Variants in LDLRAD4 observed in about 807,000 individuals in gnomAD.
LDLRAD4 encodes the protein low-density lipoprotein receptor class A domain-containing protein 4.
Under a neutral mutation model 17.0 loss-of-function variants are expected in LDLRAD4, and 5 were observed. That is an observed-to-expected ratio of 0.29 (90% CI 0.15 to 0.62). The LOEUF (loss-of-function observed/expected upper bound fraction) is 0.62. Among genes scored for constraint, LDLRAD4 ranks in the 20% least tolerant of loss-of-function variants. The pLI is 0.84. For synonymous variants in LDLRAD4, 168 were observed against 171.8 expected (o/e 0.98, Z 0.17); for missense variants, 340 against 424.7 (o/e 0.80, Z 1.75).
chr18:13,344,295 A>C (rs1161355173), intron 1 of LDLRAD4, among the ~76,000 whole-genome samples: 1 of 152,180 alleles, frequency 6.6e-6, no homozygotes, highest in Admixed American at 6.5e-5. Context: ...TCAGCTTTCT[A>C]CATATGGCTA....
chr18:13,244,201 A>G (rs2042842415), intron 1 of LDLRAD4, among the ~76,000 whole-genome samples: 2 of 130,254 alleles, frequency 1.5e-5, no homozygotes, highest in African/African-American at 5.9e-5. Flanking sequence ...CCATTCATCC[A>G]TCCATCCACC....
At chr18:13,281,375 C>T (rs141997558) in intron 1 of LDLRAD4, among the ~76,000 whole-genome samples, 43 of 152,244 alleles carry the variant, frequency 2.8e-4, no homozygotes, top group African/African-American at 9.6e-4. Flanking sequence ...GGCAGTACAG[C>T]GAGATCCTGT....
chr18:13,650,540 C>A, exon 6 of LDLRAD4: 2 of 396,464 alleles, frequency 5.0e-6, no homozygotes, highest in Non-Finnish European at 8.9e-6. Flanking sequence ...ATATAGGAAC[C>A]AAGCCGCCCC....
intron 1 of LDLRAD4, among the ~76,000 whole-genome samples, chr18:13,261,212 G>A (rs896072935): frequency 6.6e-6 from 1 of 152,258 alleles, no homozygotes. Flanking sequence ...GGGAATAGCA[G>A]AACTCTGCCC....
intron 3 of LDLRAD4, among the ~76,000 whole-genome samples, chr18:13,588,032 A>T (rs1339329285): frequency 1.3e-5 from 2 of 152,172 alleles, no homozygotes; most frequent in African/African-American, 4.8e-5. Context: ...TATGAGTCGC[A>T]CCATTTTCTT....
chr18:13,607,052 G>A (rs2095231770), intron 3 of LDLRAD4, among the ~76,000 whole-genome samples: 1 of 152,172 alleles, frequency 6.6e-6, no homozygotes, highest in African/African-American at 2.4e-5. Context: ...TCAGTCCACT[G>A]GCATCCTTTG....
In LDLRAD4 at chr18:13,293,010, G is replaced by A. The variant is rs78433993; in HGVS notation, c.-383+14822G>A. 8.6e-3 allele frequency among the ~76,000 whole-genome samples: 1,314 copies of A among 152,322 alleles called. 21 individuals carry two copies. The highest frequency in any genetic ancestry group is 0.03 in the African/African-American group (1,249 of 41,574). On this transcript the variant is annotated intron_variant, in intron 1 of 5. Transcript: ENST00000359446. The stretch of plus-strand genomic sequence containing the variant: ...CAGGCGAGCTTTGGTTCTGGGGCTC[G>A]AGCACCACGTCCCAGGAATGCTGTG...
intron 3 of LDLRAD4, among the ~76,000 whole-genome samples, chr18:13,608,961 T>A (rs1294582269): frequency 6.6e-6 from 1 of 152,236 alleles, no homozygotes; most frequent in African/African-American, 2.4e-5. Context: ...CCTGCCTTGC[T>A]CCATTTTCAA....
At chr18:13,493,300 C>A (rs746394083) in intron 3 of LDLRAD4, among the ~76,000 whole-genome samples, 2 of 152,138 alleles carry the variant, frequency 1.3e-5, no homozygotes, top group Non-Finnish European at 2.9e-5. Context: ...CCTTTTTAGT[C>A]GAGTGAGTCT....
At chr18:13,569,810 G>A (rs777649599) in intron 3 of LDLRAD4, among the ~76,000 whole-genome samples, 8 of 152,290 alleles carry the variant, frequency 5.3e-5, no homozygotes, top group South Asian at 4.1e-4. Context: ...GCTTGAACCC[G>A]GAAGGCAGAG....
At chr18:13,270,736 G>A (rs965758856) in intron 1 of LDLRAD4, among the ~76,000 whole-genome samples, 1 of 152,212 alleles carries the variant, frequency 6.6e-6, no homozygotes, top group Non-Finnish European at 1.5e-5. Context: ...TCCACTGGGA[G>A]GCTAGAACTC....
At chr18:13,227,346 G>A (rs897631364) in intron 1 of LDLRAD4, among the ~76,000 whole-genome samples, 16 of 152,180 alleles carry the variant, frequency 1.1e-4, no homozygotes, top group African/African-American at 1.7e-4. Context: ...GGTGCTTACC[G>A]TGCTGGAGGG....
At position 13,586,630 on chromosome 18, in the gene LDLRAD4, CAG is replaced by C. The variant is rs200830565; in HGVS notation, c.182-34486_182-34485del. 3.9e-3 allele frequency among the ~76,000 whole-genome samples: 589 copies of C among 151,764 alleles called. 7 individuals carry two copies. Among genetic ancestry groups the C allele is most frequent in the African/African-American group, 0.014 (564 of 41,398 alleles). On this transcript the variant is annotated intron_variant, in intron 3 of 5. Coordinates refer to ENST00000359446, the Ensembl canonical transcript of LDLRAD4. Reference sequence around the variant, plus strand: ...AAAACAATCTGGATACCTTAAAAATCAGGGGGGAATCGTTGAGAGGCCAAGGT... The same window carrying C: ...AAAACAATCTGGATACCTTAAAAATCGGGGGAATCGTTGAGAGGCCAAGGT...
At chr18:13,250,219 G>A (rs1288510349) in intron 1 of LDLRAD4, among the ~76,000 whole-genome samples, 1 of 152,070 alleles carries the variant, frequency 6.6e-6, no homozygotes, top group African/African-American at 2.4e-5. Flanking sequence ...GGTTATTATA[G>A]CTTTATAGTA....
intron 3 of LDLRAD4, among the ~76,000 whole-genome samples, chr18:13,608,646 A>T (rs1372116229): frequency 6.6e-6 from 1 of 152,270 alleles, no homozygotes; most frequent in East Asian, 1.9e-4. Context: ...GCAAGGTTCC[A>T]GCCACCTTAG....
Position 13,490,640 on chromosome 18 carries a change from A to G in LDLRAD4, c.181+52256A>G, listed in dbSNP as rs116563651. On this transcript the variant is annotated intron_variant, in intron 3 of 5. Transcript: ENST00000359446. Reference sequence around the variant, plus strand: ...AAGTTATGTTTACTTTTCTATATGTATATATTTTTTTACCTCAATAAAATG... The same window carrying G: ...AAGTTATGTTTACTTTTCTATATGTGTATATTTTTTTACCTCAATAAAATG... 4.8e-3 allele frequency: 737 copies of G among 152,328 alleles called. 5 individuals carry two copies. The highest frequency in any genetic ancestry group is 0.017 in the African/African-American group (702 of 41,564). The allele number at this position is 152,328 out of a possible 1,614,324, so 9.4% of individuals were successfully genotyped here. A position where few individuals can be genotyped will look rare whatever the true frequency, so the allele number is the denominator to read the frequency against.
intron 3 of LDLRAD4, among the ~76,000 whole-genome samples, chr18:13,600,574 T>A (rs1401008657): frequency 6.6e-6 from 1 of 152,226 alleles, no homozygotes; most frequent in African/African-American, 2.4e-5. Context: ...TGGAGTCTGA[T>A]CAAGGTTCGC....
chr18:13,451,031 G>C (rs2091801742), intron 3 of LDLRAD4, among the ~76,000 whole-genome samples: 1 of 152,210 alleles, frequency 6.6e-6, no homozygotes, highest in Non-Finnish European at 1.5e-5. Context: ...ACGACACAAA[G>C]CTGTTGTATA....
At chr18:13,479,814 A>T (rs1378481914) in intron 3 of LDLRAD4, among the ~76,000 whole-genome samples, 1 of 152,226 alleles carries the variant, frequency 6.6e-6, no homozygotes, top group African/African-American at 2.4e-5. Flanking sequence ...CAGATGGAAA[A>T]TAAGCATATG....
Sources: gnomAD v4.1 joint callset for allele counts (sites outside exome capture counted in the v4.1 genomes callset) on GRCh38, gnomAD v4.1.1 for gene constraint, MANE v1.5 for transcripts, NCBI Gene and HGNC (gene_info 2026-07-23, HGNC 2026-07-21) for gene names.